The following LDB2 variants were observed in gnomAD, a reference collection of about 807,000 sequenced individuals.
LDB2 encodes the protein LIM domain binding 2.
In LDB2, 12 loss-of-function variants were observed where a neutral mutation model predicts 44.3. The ratio of observed to expected loss-of-function variants is 0.27; its 90% confidence interval spans 0.17 to 0.44. The LOEUF (loss-of-function observed/expected upper bound fraction) is 0.44. LDB2 is among the 20% of genes least tolerant of loss of function. LDB2 has a pLI of 1.00. For missense variants in LDB2, 344 were observed against 473.5 expected (o/e 0.73, Z 2.54); for synonymous variants, 164 against 174.8 (o/e 0.94, Z 0.49).
At chr4:16,838,691 A>G (rs1348282878) in intron 1 of LDB2, among the ~76,000 whole-genome samples, 1 of 152,204 alleles carries the variant, frequency 6.6e-6, no homozygotes, top group Non-Finnish European at 1.5e-5. Flanking sequence ...TGGCTCAACC[A>G]TTTCTCTGCC....
intron 2 of LDB2, among the ~76,000 whole-genome samples, chr4:16,602,099 C>T (rs1376735689): frequency 1.3e-5 from 2 of 152,126 alleles, no homozygotes; most frequent in African/African-American, 4.8e-5. Context: ...AATATTTTCT[C>T]TCTGATGACC....
chr4:16,668,464 T>G (rs1743895319), intron 2 of LDB2, among the ~76,000 whole-genome samples: 1 of 152,220 alleles, frequency 6.6e-6, no homozygotes, highest in African/African-American at 2.4e-5. Context: ...CTTCCCTTCT[T>G]TTACATTTGT....
At chr4:16,796,453 A>G (rs570602604) in intron 1 of LDB2, among the ~76,000 whole-genome samples, 1 of 152,338 alleles carries the variant, frequency 6.6e-6, no homozygotes, top group Admixed American at 6.5e-5. Flanking sequence ...TTATAACTCA[A>G]TGTACAATAC....
chr4:16,711,030 T>C (rs1031231230), intron 2 of LDB2, among the ~76,000 whole-genome samples: 5 of 152,246 alleles, frequency 3.3e-5, no homozygotes, highest in Non-Finnish European at 7.3e-5. Context: ...CATACATTAA[T>C]CTGTCCATTC....
intron 1 of LDB2, among the ~76,000 whole-genome samples, chr4:16,846,185 C>T (rs1786960277): frequency 6.6e-6 from 1 of 152,028 alleles, no homozygotes; most frequent in African/African-American, 2.4e-5. Context: ...TCTCAACTCT[C>T]AGACTTTTTC....
intron 1 of LDB2, among the ~76,000 whole-genome samples, chr4:16,828,702 C>G (rs184548260): frequency 1.8e-4 from 25 of 142,256 alleles, no homozygotes; most frequent in African/African-American, 5.8e-4. Context: ...TACAGCAAGA[C>G]CACGTGCACT....
chr4:16,788,461 G>A (rs1774974383), intron 1 of LDB2, among the ~76,000 whole-genome samples: 1 of 152,214 alleles, frequency 6.6e-6, no homozygotes, highest in Admixed American at 6.5e-5. Context: ...CTGTTCCTGG[G>A]AGAGTAATGG....
chr4:16,656,839 T>C (rs1033353148), intron 2 of LDB2, among the ~76,000 whole-genome samples: 29 of 152,244 alleles, frequency 1.9e-4, no homozygotes, highest in Admixed American at 9.8e-4. Flanking sequence ...AGGATACCTA[T>C]GTAAATCATA....
chr4:16,709,938 G>C (rs1755497022), intron 2 of LDB2, among the ~76,000 whole-genome samples: 1 of 152,118 alleles, frequency 6.6e-6, no homozygotes, highest in South Asian at 2.1e-4. Flanking sequence ...ATGTGACCTT[G>C]ATCTATACAA....
intron 5 of LDB2, among the ~76,000 whole-genome samples, chr4:16,542,112 G>T (rs1458095327): frequency 1.4e-5 from 2 of 139,620 alleles, no homozygotes; most frequent in Non-Finnish European, 1.6e-5. Context: ...GGGGGGGGGG[G>T]CGCGAGCAGG....
intron 2 of LDB2, among the ~76,000 whole-genome samples, chr4:16,672,307 G>T (rs563352416): frequency 2.0e-5 from 3 of 152,250 alleles, no homozygotes; most frequent in African/African-American, 7.2e-5. Flanking sequence ...TAACTCTACT[G>T]ATTCCCAGAA....
At chr4:16,700,076 T>A (rs987412275) in intron 2 of LDB2, among the ~76,000 whole-genome samples, 1 of 152,190 alleles carries the variant, frequency 6.6e-6, no homozygotes, top group Non-Finnish European at 1.5e-5. Flanking sequence ...TAGTTCAGCA[T>A]CCCTAATTAA....
intron 2 of LDB2, among the ~76,000 whole-genome samples, chr4:16,615,001 T>C (rs12644664): frequency 0.4 from 52,705 of 132,368 alleles, 10,173 homozygotes; most frequent in East Asian, 0.6. Flanking sequence ...ACCCGGGAGG[T>C]GGAGCTTGCA....
intron 5 of LDB2, among the ~76,000 whole-genome samples, chr4:16,567,395 CATGCGT>C (rs1744919615): frequency 8.2e-5 from 1 of 12,216 alleles, no homozygotes; most frequent in Non-Finnish European, 4.6e-4. Context: ...CGCGTGTGTG[CATGCGT>C]GTGTGTGCAT....
chr4:16,774,811 G>T (rs1295415993), intron 1 of LDB2, among the ~76,000 whole-genome samples: 1 of 152,126 alleles, frequency 6.6e-6, no homozygotes, highest in Non-Finnish European at 1.5e-5. Flanking sequence ...AAAATACCTA[G>T]TAATAAAAGG....
chr4:16,542,101 T>TGGGGG (rs71649965), intron 5 of LDB2, among the ~76,000 whole-genome samples: 25 of 83,680 alleles, frequency 3.0e-4, no homozygotes, highest in South Asian at 1.8e-3. Context: ...CATCAGGTGG[T>TGGGGG]GGGGGGGGGG....
chr4:16,813,306 A>G (rs1780256536), intron 1 of LDB2, among the ~76,000 whole-genome samples: 1 of 152,194 alleles, frequency 6.6e-6, no homozygotes, highest in African/African-American at 2.4e-5. Context: ...CATTTGTATG[A>G]TAAGACTATT....
chr4:16,605,065 A>G (rs1308876785), intron 2 of LDB2, among the ~76,000 whole-genome samples: 2 of 152,198 alleles, frequency 1.3e-5, no homozygotes, highest in Non-Finnish European at 1.5e-5. Flanking sequence ...AAGGTCTTCA[A>G]ATGCAACTTT....
chr4:16,672,717 T>TC (rs149182278), intron 2 of LDB2, among the ~76,000 whole-genome samples: 7,079 of 152,104 alleles, frequency 0.047, 582 homozygotes, highest in African/African-American at 0.16. Context: ...ACAGTGCCTC[T>TC]CTCAGGTCAG....
Sources: allele counts gnomAD v4.1 joint callset (sites outside exome capture counted in the v4.1 genomes callset), GRCh38; gene constraint gnomAD v4.1.1; transcripts MANE v1.5; gene names NCBI Gene and HGNC (gene_info 2026-07-23, HGNC 2026-07-21).